XKR6: variants seen among roughly 807,000 people sequenced by gnomAD.
XKR6 encodes the protein XK-related protein 6.
A neutral mutation model predicts 56.7 loss-of-function variants in XKR6; 22 were observed. The ratio of observed to expected loss-of-function variants is 0.39; its 90% CI spans 0.28 to 0.55. XKR6 has a LOEUF of 0.55. XKR6 is among the 20% of genes least tolerant of loss of function. XKR6 has a pLI of 0.66. For synonymous variants in XKR6, 524 were observed against 387.8 expected (o/e 1.35, Z -4.13); for missense variants, 852 against 889.0 (o/e 0.96, Z 0.53).
chr8:10,910,728 A>G (rs1482549545), intron 2 of XKR6, among the ~76,000 whole-genome samples: 1 of 152,216 alleles, frequency 6.6e-6, no homozygotes, highest in Non-Finnish European at 1.5e-5. Context: ...GAGGAACGCT[A>G]AATCCAGCCC....
intron 1 of XKR6, chr8:11,125,666 T>C (rs1586581504): frequency 6.6e-6 from 1 of 152,144 alleles, no homozygotes; most frequent in East Asian, 1.9e-4. Flanking sequence ...TTAATTGCAG[T>C]ACAAATTCCA....
chr8:11,104,314 G>C (rs1021623569), intron 1 of XKR6, among the ~76,000 whole-genome samples: 4 of 152,220 alleles, frequency 2.6e-5, no homozygotes, highest in Non-Finnish European at 5.9e-5. Context: ...TTGAGGAAGA[G>C]TATCAACCCC....
chr8:11,161,821 C>A (rs1801828310), intron 1 of XKR6, among the ~76,000 whole-genome samples: 1 of 151,950 alleles, frequency 6.6e-6, no homozygotes, highest in East Asian at 1.9e-4. Flanking sequence ...TCATCAGGTA[C>A]CTGCAACTCA....
At position 11,189,507 on chromosome 8, in the gene XKR6, A is replaced by C. The variant is rs537734700; in HGVS notation, c.764+11069T>G. On this transcript the variant is annotated intron_variant, in intron 1 of 2. Coordinates refer to ENST00000416569, the MANE Select transcript of XKR6 (RefSeq NM_173683.4). ...GCTAAAAGGTCCATTCAGATTGTTT[A>C]AATACTGGTAATCCATTAGAATCAC... Among the ~76,000 whole-genome samples the C allele has an allele frequency of 7.2e-5, 11 of 152,346 alleles. No individual in the cohort carries two copies. The South Asian group carries it at 2.3e-3, about 32-fold the overall frequency.
chr8:11,087,312 C>T (rs1016679634), intron 1 of XKR6, among the ~76,000 whole-genome samples: 1 of 152,218 alleles, frequency 6.6e-6, no homozygotes, highest in African/African-American at 2.4e-5. Context: ...TCCCTTTCTT[C>T]CTTGCTAACA....
chr8:11,130,326 AT>A (rs891007221), intron 1 of XKR6, among the ~76,000 whole-genome samples: 1 of 152,042 alleles, frequency 6.6e-6, no homozygotes, highest in African/African-American at 2.4e-5. Flanking sequence ...TAAGTTCGGG[AT>A]TTTTACGTTT....
intron 1 of XKR6, among the ~76,000 whole-genome samples, chr8:11,097,715 C>G (rs7844895): frequency 0.55 from 81,576 of 148,846 alleles, 24,589 homozygotes; most frequent in African/African-American, 0.79. Flanking sequence ...GCTGAGGCAG[C>G]AGAATCGCTT....
At chr8:11,182,721 G>A (rs947736165) in intron 1 of XKR6, among the ~76,000 whole-genome samples, 3 of 152,176 alleles carry the variant, frequency 2.0e-5, no homozygotes, top group Admixed American at 6.5e-5. Context: ...TTTAATTGTG[G>A]CAAAGTATAT....
Position 10,898,132 on chromosome 8 carries a change from C to T in XKR6, c.1746G>A (p.Gly582=). 9 of 1,614,024 alleles carry T rather than the reference C, an allele frequency of 5.6e-6. No homozygotes were observed. The highest frequency in any genetic ancestry group is 1.3e-5 in the African/African-American group (1 of 75,012). ...TTGGCATGTCAATCTTAATGAGGGG[C>T]CCTTCTGGGAGGTAAGGACGCCCCA... is the stretch of plus-strand genomic sequence containing the variant. ...TPLGRPYLPE[G]PLIKIDMPRK... Residue 582 remains glycine (G), a synonymous_variant, in exon 3 of 3, where the codon GGG becomes GGA. Coordinates refer to ENST00000416569, the MANE Select transcript of XKR6 (RefSeq NM_173683.4). This position sits in a 1 kb window ranked among gnomAD's most constrained non-coding sequence, Gnocchi z 6.6.
chr8:11,077,407 G>C (rs377095394), intron 1 of XKR6, among the ~76,000 whole-genome samples: 2 of 152,176 alleles, frequency 1.3e-5, no homozygotes, highest in South Asian at 4.2e-4. Flanking sequence ...CGCTCTGTGA[G>C]GTCATCTCCC....
At chr8:11,188,647 T>G (rs1585035596) in intron 1 of XKR6, among the ~76,000 whole-genome samples, 1 of 152,326 alleles carries the variant, frequency 6.6e-6, no homozygotes, top group South Asian at 2.1e-4. Flanking sequence ...AAATGTACAG[T>G]GTAGGGTGAT....
At chr8:11,004,440 A>T (rs1477414033) in intron 1 of XKR6, among the ~76,000 whole-genome samples, 1 of 152,162 alleles carries the variant, frequency 6.6e-6, no homozygotes, top group African/African-American at 2.4e-5. Flanking sequence ...ACGCCACTGC[A>T]CTTCAGCCTA....
At chr8:11,115,092 G>A (rs1799110197) in intron 1 of XKR6, among the ~76,000 whole-genome samples, 1 of 152,102 alleles carries the variant, frequency 6.6e-6, no homozygotes, top group Admixed American at 6.5e-5. Flanking sequence ...TCCACAAGAG[G>A]TAGGAGGGCA....
At chr8:10,931,669 G>T (rs1338366705) in intron 1 of XKR6, among the ~76,000 whole-genome samples, 1 of 152,110 alleles carries the variant, frequency 6.6e-6, no homozygotes, top group Non-Finnish European at 1.5e-5. Flanking sequence ...TTCAACAAAT[G>T]ATGTAGTAAT....
At chr8:11,004,489 A>T (rs1798320781) in intron 1 of XKR6, among the ~76,000 whole-genome samples, 1 of 151,840 alleles carries the variant, frequency 6.6e-6, no homozygotes, top group East Asian at 1.9e-4. Flanking sequence ...ATAAATAAAT[A>T]AATAAATAAA....
At chr8:11,017,375 A>C (rs138790979) in intron 1 of XKR6, among the ~76,000 whole-genome samples, 20 of 152,350 alleles carry the variant, frequency 1.3e-4, no homozygotes, top group African/African-American at 4.6e-4. Flanking sequence ...TCAGCTGCTT[A>C]CGCCGGGCAA....
chr8:11,197,075 G>A (rs952725910), intron 1 of XKR6, among the ~76,000 whole-genome samples: 2 of 152,128 alleles, frequency 1.3e-5, no homozygotes, highest in African/African-American at 4.8e-5. Context: ...ATTATAAAAT[G>A]CAAAATGCCT....
chr8:10,961,803 G>C (rs1018314132), intron 1 of XKR6, among the ~76,000 whole-genome samples: 1 of 152,214 alleles, frequency 6.6e-6, no homozygotes, highest in Non-Finnish European at 1.5e-5. Context: ...CTTATGCCAG[G>C]CAGGAGTGAA....
chr8:11,159,034 C>A (rs577874349), intron 1 of XKR6, among the ~76,000 whole-genome samples: 1 of 152,340 alleles, frequency 6.6e-6, no homozygotes, highest in African/African-American at 2.4e-5. Context: ...CTACCATTTA[C>A]AAGCTGTATG....
Sources: gnomAD v4.1 joint callset for allele counts (sites outside exome capture counted in the v4.1 genomes callset) on GRCh38, gnomAD v4.1.1 for gene constraint, Gnocchi (gnomAD v3.1) non-coding constraint, MANE v1.5 for transcripts, NCBI Gene and HGNC (gene_info 2026-07-23, HGNC 2026-07-21) for gene names.